Variants in ZNF827 observed in about 807,000 individuals in gnomAD.
The protein encoded by ZNF827 is zinc finger protein 827.
Under a neutral mutation model 102.4 loss-of-function variants are expected in ZNF827, and 13 were observed. The ratio of observed to expected loss-of-function variants is 0.13; its 90% CI spans 0.08 to 0.20. The LOEUF is 0.20. Ranked by LOEUF, ZNF827 falls within the 10% of genes least tolerant of loss-of-function variation. The pLI is 1.00. For synonymous variants in ZNF827, 523 were observed against 536.2 expected (o/e 0.98, Z 0.34); for missense variants, 1,103 against 1,344.4 (o/e 0.82, Z 2.81).
intron 8 of ZNF827, among the ~76,000 whole-genome samples, chr4:145,799,715 G>T (rs1015701046): frequency 3.3e-5 from 5 of 152,144 alleles, no homozygotes; most frequent in Admixed American, 2.6e-4. Context: ...GTACGGCCAC[G>T]TGATCAAGTT....
intron 8 of ZNF827, among the ~76,000 whole-genome samples, chr4:145,820,632 G>A (rs1281380298): frequency 6.6e-6 from 1 of 152,118 alleles, no homozygotes; most frequent in East Asian, 1.9e-4. Context: ...TATTAGCAAA[G>A]CTAACCAGTC....
intron 7 of ZNF827, among the ~76,000 whole-genome samples, chr4:145,833,659 T>C (rs111951802): frequency 0.017 from 2,599 of 152,008 alleles, 57 homozygotes; most frequent in African/African-American, 0.058. Flanking sequence ...CTTATCTCTG[T>C]GCCCCAATCC....
intron 7 of ZNF827, among the ~76,000 whole-genome samples, chr4:145,829,461 T>C (rs941355668): frequency 1.3e-5 from 2 of 152,224 alleles, no homozygotes; most frequent in Non-Finnish European, 2.9e-5. Context: ...TCGATTATCA[T>C]ATATTCAGCC....
chr4:145,875,198 G>A (rs1030103793), intron 4 of ZNF827, among the ~76,000 whole-genome samples: 5 of 152,082 alleles, frequency 3.3e-5, no homozygotes, highest in Non-Finnish European at 7.4e-5. Context: ...TTTTAACAAC[G>A]TATACAACTA....
At chr4:145,894,711 G>A (rs1031056233) in intron 2 of ZNF827, among the ~76,000 whole-genome samples, 4 of 152,206 alleles carry the variant, frequency 2.6e-5, no homozygotes, top group African/African-American at 9.7e-5. Flanking sequence ...AACAGGAAAT[G>A]AGGGTTTCCT....
At chr4:145,876,745 T>A (rs927717354) in intron 4 of ZNF827, 1 of 152,200 alleles carries the variant, frequency 6.6e-6, no homozygotes, top group Non-Finnish European at 1.5e-5. Context: ...CTTTAGGGCA[T>A]ATTGTGAGTT....
chr4:145,935,423 A>G (rs1754088064), intron 1 of ZNF827, among the ~76,000 whole-genome samples: 1 of 152,238 alleles, frequency 6.6e-6, no homozygotes. Context: ...GAACTGCAAA[A>G]TACACCATTT....
intron 1 of ZNF827, among the ~76,000 whole-genome samples, chr4:145,908,052 T>C (rs1046694524): frequency 2.0e-5 from 3 of 151,072 alleles, no homozygotes; most frequent in African/African-American, 7.2e-5. Context: ...AGAGAATGTC[T>C]TTTCAACTCA....
chr4:145,874,072 T>C (rs1748940254), intron 4 of ZNF827, among the ~76,000 whole-genome samples: 1 of 151,058 alleles, frequency 6.6e-6, no homozygotes, highest in South Asian at 2.1e-4. Flanking sequence ...CTTCTAGAGA[T>C]CATTAAGCAG....
chr4:145,885,649 AGAG>A, intron 4 of ZNF827, 26 bp downstream of exon 4: 3 of 1,486,564 alleles, frequency 2.0e-6, no homozygotes, highest in Non-Finnish European at 2.7e-6. Context: ...AGAGAGAGAG[AGAG>A]AGAGAATACA....
rs1734554892 is a variant in ZNF827 at position 145,761,834 on chromosome 4, G to T, written c.*18-236C>A. Among the ~76,000 whole-genome samples, 1 of 152,170 alleles carries T rather than the reference G, an allele frequency of 6.6e-6. No individual in the cohort carries two copies. Among genetic ancestry groups the T allele is most frequent in the African/African-American group, 2.4e-5 (1 of 41,442 alleles). On this transcript the variant is annotated intron_variant, in intron 14 of 14. Transcript: ENST00000508784. This position sits in a 1 kb window ranked among gnomAD's most constrained non-coding sequence, Gnocchi z 6.8. ...TGGCAAGGTCCGCTCAGCCTATTCT[G>T]GGTCTCTTGGCCGATACAGGCAAGG... is the stretch of plus-strand genomic sequence containing the variant.
intron 1 of ZNF827, among the ~76,000 whole-genome samples, chr4:145,935,804 CCT>C (rs1259528617): frequency 3.3e-5 from 5 of 152,124 alleles, no homozygotes; most frequent in African/African-American, 1.2e-4. Context: ...GCCTGAATTT[CCT>C]CTCAGACGGA....
intron 7 of ZNF827, among the ~76,000 whole-genome samples, chr4:145,837,692 C>G (rs888109383): frequency 3.6e-4 from 55 of 152,194 alleles, no homozygotes; most frequent in African/African-American, 1.3e-3. Context: ...TGCCGAATCT[C>G]CTTAAGCACT....
rs777999702 is a variant in ZNF827 at position 145,770,320 on chromosome 4, AAATAAATAAATAAATAAATAAATAAAT to A, written c.2860+4159_2860+4185del. On this transcript the variant is annotated intron_variant, in intron 11 of 14. Transcript: ENST00000508784. ...TCTTAAAATAAATAAATAAATAAAT[AAATAAATAAATAAATAAATAAATAAAT>A]AAAATAGATCAGAACATGTGAGTTT... Among the ~76,000 whole-genome samples the A allele has an allele frequency of 4.7e-3, 694 of 146,194 alleles. 5 individuals are homozygous for A. Among genetic ancestry groups the A allele is most frequent in the Non-Finnish European group, 6.9e-3 (461 of 67,196 alleles).
At chr4:145,774,809 T>C (rs182226966) in intron 10 of ZNF827, 137 bp from the exon 11 acceptor site, 4 of 1,031,974 alleles carry the variant, frequency 3.9e-6, no homozygotes, top group Non-Finnish European at 5.5e-6. Context: ...CAAAAGGTTT[T>C]GCATTAGAAA....
chr4:145,905,820 T>A (rs754500371), intron 1 of ZNF827, among the ~76,000 whole-genome samples: 3 of 152,232 alleles, frequency 2.0e-5, no homozygotes, highest in African/African-American at 4.8e-5. Flanking sequence ...TTGTTGAATA[T>A]CTGCTCAAAT....
Position 145,807,705 on chromosome 4 carries a change from C to T in ZNF827, c.2383+15717G>A, listed in dbSNP as rs576086749. Among the ~76,000 whole-genome samples, 14 of 150,154 alleles carry T rather than the reference C, an allele frequency of 9.3e-5. No individual in the cohort carries two copies. The East Asian group carries it at 2.3e-3, about 25-fold the overall frequency. ...CAGGCTGGTCTTGAACTCCTGACCT[C>T]GTGATTCGCCCGCCTTGGCCTCCCA... On this transcript the variant is annotated intron_variant, in intron 8 of 14. Transcript: ENST00000508784.
chr4:145,877,963 C>T (rs1221563818), intron 4 of ZNF827, among the ~76,000 whole-genome samples: 1 of 152,156 alleles, frequency 6.6e-6, no homozygotes, highest in Admixed American at 6.5e-5. Context: ...GAGTGGTTTG[C>T]CTGGAGACTA....
chr4:145,904,098 C>T (rs549870027), intron 1 of ZNF827, among the ~76,000 whole-genome samples: 1 of 152,342 alleles, frequency 6.6e-6, no homozygotes, highest in East Asian at 1.9e-4. Flanking sequence ...ACCAGTTAGG[C>T]AGGCTCCTTG....
Sources: gnomAD v4.1 joint callset for allele counts (sites outside exome capture counted in the v4.1 genomes callset) on GRCh38, gnomAD v4.1.1 for gene constraint, Gnocchi (gnomAD v3.1) non-coding constraint, MANE v1.5 for transcripts, NCBI Gene and HGNC (gene_info 2026-07-23, HGNC 2026-07-21) for gene names.